The following RSPRY1 variants were observed in gnomAD, a reference collection of about 807,000 sequenced individuals.
RSPRY1 encodes RING finger and SPRY domain-containing protein 1.
A neutral mutation model predicts 73.1 loss-of-function variants in RSPRY1; 23 were observed. The ratio of observed to expected loss-of-function variants is 0.31; its 90% CI spans 0.23 to 0.45. The LOEUF (loss-of-function observed/expected upper bound fraction) is 0.45. Among genes scored for constraint, RSPRY1 ranks in the 20% least tolerant of loss-of-function variants. The pLI, the probability that RSPRY1 is intolerant of heterozygous loss-of-function variation, is 1.00. For missense variants in RSPRY1, 448 were observed against 698.7 expected (o/e 0.64, Z 4.05); for synonymous variants, 226 against 251.4 (o/e 0.90, Z 0.95).
Position 57,201,137 on chromosome 16 carries a change from C to A in RSPRY1, c.-155-3367C>A, listed in dbSNP as rs1484473632. 2.1e-5 allele frequency among the ~76,000 whole-genome samples: 3 copies of A among 140,134 alleles called. No individual in the cohort carries two copies. The South Asian group carries it at 7.6e-4, about 35-fold the overall frequency. The allele number at this position is 140,134 out of a possible 152,430, so 91.9% of individuals were successfully genotyped here. The stretch of plus-strand genomic sequence containing the variant: ...CTTCCCAGGCGGAGTGGCTGCCGGG[C>A]GGAGGGGCTCCTCACTTCTCAGACG... On this transcript the variant is annotated intron_variant, in intron 1 of 14. Coordinates refer to ENST00000394420, the MANE Select transcript of RSPRY1 (RefSeq NM_133368.3).
intron 11 of RSPRY1, among the ~76,000 whole-genome samples, 159 bp from the exon 12 acceptor site, chr16:57,230,551 TA>T (rs1326299561): frequency 6.6e-6 from 1 of 152,230 alleles, no homozygotes; most frequent in African/African-American, 2.4e-5. Context: ...TATTGGTGTA[TA>T]GGGGTCAGAT....
chr16:57,190,841 A>G (rs1298363643), intron 1 of RSPRY1, among the ~76,000 whole-genome samples: 1 of 152,220 alleles, frequency 6.6e-6, no homozygotes, highest in Admixed American at 6.5e-5. Context: ...AAATATGTAA[A>G]AGTAGTAACT....
chr16:57,221,549 C>T, intron 10 of RSPRY1, 134 bp downstream of exon 10: 1 of 884,462 alleles, frequency 1.1e-6, no homozygotes, highest in Non-Finnish European at 1.7e-6. Context: ...CACATGGTAC[C>T]AGGTCCCTAA....
At chr16:57,231,039 A>AGTCT (rs2075211304) in intron 12 of RSPRY1, 128 bp from the exon 13 acceptor site, 1 of 857,978 alleles carries the variant, frequency 1.2e-6, no homozygotes, top group Non-Finnish European at 1.8e-6. Context: ...TTATAAACAC[A>AGTCT]GTCTGTCACT....
chr16:57,209,988 A>C (rs150247541), intron 4 of RSPRY1, among the ~76,000 whole-genome samples: 1 of 150,940 alleles, frequency 6.6e-6, no homozygotes, highest in African/African-American at 2.4e-5. Flanking sequence ...ATTCTCTATC[A>C]AGGCTTTATT....
chr16:57,214,535 G>C (rs1267600254), intron 6 of RSPRY1, among the ~76,000 whole-genome samples: 5 of 149,584 alleles, frequency 3.3e-5, no homozygotes, highest in Admixed American at 2.0e-4. Flanking sequence ...ACTCTGGTCT[G>C]AAAACCCTTA....
At chr16:57,207,578 T>C (rs1162379522) in intron 2 of RSPRY1, 2 of 455,992 alleles carry the variant, frequency 4.4e-6, no homozygotes, top group East Asian at 6.9e-5. Flanking sequence ...TCTAAGCATG[T>C]AGTGGTATTT....
intron 4 of RSPRY1, among the ~76,000 whole-genome samples, chr16:57,211,685 A>T (rs1170279884): frequency 1.3e-5 from 2 of 152,070 alleles, no homozygotes. Context: ...TCGAACTTTC[A>T]TTGCTTTCCC....
intron 4 of RSPRY1, among the ~76,000 whole-genome samples, chr16:57,209,748 A>G (rs2074799121): frequency 6.6e-6 from 1 of 152,004 alleles, no homozygotes; most frequent in South Asian, 2.1e-4. Context: ...ATCACAGCTC[A>G]CTGCAGCTGC....
chr16:57,211,254 C>T (rs1597890842), intron 4 of RSPRY1, among the ~76,000 whole-genome samples: 1 of 147,656 alleles, frequency 6.8e-6, no homozygotes, highest in African/African-American at 2.5e-5. Context: ...CATAGTGAGA[C>T]CTTGTCTCTG....
chr16:57,224,731 T>C (rs1298157344), intron 10 of RSPRY1, among the ~76,000 whole-genome samples: 1 of 152,226 alleles, frequency 6.6e-6, no homozygotes, highest in Non-Finnish European at 1.5e-5. Flanking sequence ...TAGATGCTGC[T>C]CTGTAGTTAA....
chr16:57,196,373 G>A (rs2074447719), intron 1 of RSPRY1, among the ~76,000 whole-genome samples: 1 of 152,144 alleles, frequency 6.6e-6, no homozygotes, highest in Non-Finnish European at 1.5e-5. Flanking sequence ...ATGCCCTTTA[G>A]TATTTCAGTT....
At chr16:57,187,335 G>C (rs1197151620) in intron 1 of RSPRY1, among the ~76,000 whole-genome samples, 1 of 152,170 alleles carries the variant, frequency 6.6e-6, no homozygotes, top group Non-Finnish European at 1.5e-5. Context: ...AACCGACTGA[G>C]ACCGAGGCGG....
At chr16:57,236,646 G>T (rs1366739890) in intron 14 of RSPRY1, among the ~76,000 whole-genome samples, 1 of 152,092 alleles carries the variant, frequency 6.6e-6, no homozygotes, top group Non-Finnish European at 1.5e-5. Flanking sequence ...AACTTTCAGG[G>T]AATAGGTAGC....
At chr16:57,238,743 A>G in intron 14 of RSPRY1, 136 bp from the exon 15 acceptor site, 1 of 523,870 alleles carries the variant, frequency 1.9e-6, no homozygotes, top group Non-Finnish European at 3.4e-6. Context: ...TTACATATTC[A>G]TTTTTTTTAA....
At chr16:57,197,271 T>G (rs1341124586) in intron 1 of RSPRY1, among the ~76,000 whole-genome samples, 1 of 152,216 alleles carries the variant, frequency 6.6e-6, no homozygotes, top group Non-Finnish European at 1.5e-5. Flanking sequence ...ACCTATAGGT[T>G]TTCAGTGCCA....
intron 11 of RSPRY1, among the ~76,000 whole-genome samples, 183 bp downstream of exon 11, chr16:57,227,636 G>C (rs1318516130): frequency 6.6e-6 from 1 of 152,226 alleles, no homozygotes; most frequent in Non-Finnish European, 1.5e-5. Context: ...CTCTGGTGGA[G>C]TTCTTCCTGT....
chr16:57,237,591 A>G (rs1458156125), intron 14 of RSPRY1, among the ~76,000 whole-genome samples: 6 of 152,266 alleles, frequency 3.9e-5, no homozygotes, highest in African/African-American at 1.4e-4. Context: ...AAATGAATGG[A>G]CTAAAACAAT....
rs569636153 is a variant in RSPRY1 at position 57,238,112 on chromosome 16, TAAG to T, written c.1635-764_1635-762del. Among the ~76,000 whole-genome samples the T allele has an allele frequency of 1.9e-4, 29 of 152,250 alleles. No individual in the cohort carries two copies. In the East Asian group the frequency reaches 4.4e-3, roughly 23 times the overall value. On this transcript the variant is annotated intron_variant, in intron 14 of 14. Coordinates refer to ENST00000394420, the MANE Select transcript of RSPRY1 (RefSeq NM_133368.3). ...CATGGTTAAAAAAAAAAGTGCTATC[TAAG>T]AATACATAGCAAGAAATATGTAGAG... is the stretch of plus-strand genomic sequence containing the variant.
Sources: allele counts gnomAD v4.1 joint callset (sites outside exome capture counted in the v4.1 genomes callset), GRCh38; gene constraint gnomAD v4.1.1; transcripts MANE v1.5; gene names NCBI Gene and HGNC (gene_info 2026-07-23, HGNC 2026-07-21).